The following BCAT1 variants were observed in gnomAD, a reference collection of about 807,000 sequenced individuals.
BCAT1 encodes branched chain amino acid transaminase 1, also known as branched-chain-amino-acid aminotransferase, cytosolic.
BCAT1 carries 48 observed loss-of-function variants against 52.4 expected under a neutral mutation model. The observed-to-expected ratio is 0.92, with a 90% CI of 0.73 to 1.16. BCAT1 has a LOEUF of 1.16. BCAT1 is among the 50% of genes most tolerant of loss of function. The pLI, the probability that BCAT1 is intolerant of heterozygous loss-of-function variation, is 0.00. For synonymous variants in BCAT1, 167 were observed against 161.3 expected, an observed-to-expected ratio of 1.04 and a Z score of -0.27; for missense variants, 451 against 457.1, an observed-to-expected ratio of 0.99 and a Z score of 0.12.
intron 5 of BCAT1, among the ~76,000 whole-genome samples, chr12:24,864,962 C>A (rs1941962431): frequency 6.6e-6 from 1 of 152,166 alleles, no homozygotes; most frequent in Non-Finnish European, 1.5e-5. Flanking sequence ...GTCCACTAAA[C>A]CTCTCTTGTT....
intron 9 of BCAT1, 128 bp from the exon 10 acceptor site, chr12:24,830,025 A>G (rs1940585237): frequency 5.1e-6 from 3 of 586,054 alleles, no homozygotes; most frequent in Non-Finnish European, 8.5e-6. Flanking sequence ...ACTAAAACCT[A>G]CTGACTCTGA....
rs148405422 is a variant in BCAT1 at position 24,938,435 on chromosome 12, C to T, written c.6+10492G>A. 1.9e-3 allele frequency among the ~76,000 whole-genome samples: 290 copies of T among 151,936 alleles called. 2 individuals carry two copies. Among genetic ancestry groups the T allele is most frequent in the African/African-American group, 6.6e-3 (275 of 41,402 alleles). On this transcript the variant is annotated intron_variant, in intron 1 of 10. Coordinates refer to ENST00000261192, the MANE Select transcript of BCAT1 (RefSeq NM_005504.7). ...TTGAGTGGGAGGGTCTACTGTGGGT[C>T]GAGTTAAGAGAGAAAATGCAGAGCA... is the stretch of plus-strand genomic sequence containing the variant.
At chr12:24,913,551 A>T (rs947240334) in intron 1 of BCAT1, among the ~76,000 whole-genome samples, 1 of 152,170 alleles carries the variant, frequency 6.6e-6, no homozygotes, top group Non-Finnish European at 1.5e-5. Context: ...GCCTTTTACA[A>T]CAAGAACTGG....
rs373097595 is a variant in BCAT1, at chr12:24,868,892, C to T, written c.510+9638G>A. Among the ~76,000 whole-genome samples the T allele has an allele frequency of 3.9e-5, 6 of 152,194 alleles. No homozygotes were observed. In the East Asian group the frequency reaches 7.7e-4, roughly 20 times the overall value. ...ACAGACTGGGAAACTATTTGCAGTA[C>T]GTTTATCCAACATAGGATTTGCCAT... On this transcript the variant is annotated intron_variant, in intron 5 of 10. Coordinates refer to ENST00000261192, the MANE Select transcript of BCAT1 (RefSeq NM_005504.7).
chr12:24,937,439 T>C (rs1948809641), intron 1 of BCAT1, among the ~76,000 whole-genome samples: 1 of 152,214 alleles, frequency 6.6e-6, no homozygotes, highest in Non-Finnish European at 1.5e-5. Context: ...ACTTTAGCTT[T>C]TATTCAAAAC....
At chr12:24,838,538 G>GC (rs1941073949) in intron 7 of BCAT1, among the ~76,000 whole-genome samples, 1 of 151,546 alleles carries the variant, frequency 6.6e-6, no homozygotes, top group African/African-American at 2.4e-5. Flanking sequence ...CACTTCCAGT[G>GC]CCCCCAAACC....
chr12:24,890,584 C>A (rs890711180), intron 3 of BCAT1, among the ~76,000 whole-genome samples: 1 of 152,144 alleles, frequency 6.6e-6, no homozygotes, highest in Non-Finnish European at 1.5e-5. Context: ...TGCTAACAGA[C>A]ACTCCTACCA....
intron 10 of BCAT1, among the ~76,000 whole-genome samples, chr12:24,824,264 TTCATTCCC>T (rs1467037069): frequency 6.9e-6 from 1 of 145,234 alleles, no homozygotes; most frequent in Non-Finnish European, 1.5e-5. Context: ...CCTTCCTTCC[TTCATTCCC>T]TCCCTCCCTC....
At chr12:24,881,216 C>G in intron 4 of BCAT1, 85 bp downstream of exon 4, 1 of 928,634 alleles carries the variant, frequency 1.1e-6, no homozygotes. Flanking sequence ...ATTTATCTAA[C>G]TATTCAGAAA....
Position 24,832,793 on chromosome 12 carries a change from A to T in BCAT1, c.974T>A (p.Val325Glu). ...TGTACCAGAGCCAAACATCTCTCTC[A>T]CTCTGTTCCCCTCCAGGGCTGTTGT... ...DLTTALEGNR[V>E]REMFGSGTAC... The change falls in exon 9 of 11, where the codon GTG becomes GAG. Residue 325 changes from valine (V) to glutamate (E), a missense_variant. Val to Glu is a moderately radical substitution (Grantham distance 121). Coordinates refer to ENST00000261192, the MANE Select transcript of BCAT1 (RefSeq NM_005504.7). The T allele has an allele frequency of 1.2e-6, 2 of 1,611,008 alleles. No individual in the cohort carries two copies. The highest frequency in any genetic ancestry group is 1.3e-5 in the African/African-American group (1 of 74,834).
intron 1 of BCAT1, among the ~76,000 whole-genome samples, chr12:24,940,116 T>C (rs1362306792): frequency 1.3e-5 from 2 of 152,252 alleles, no homozygotes; most frequent in Admixed American, 6.5e-5. Context: ...CTAATGACTA[T>C]GCAAATGACT....
intron 1 of BCAT1, among the ~76,000 whole-genome samples, chr12:24,905,736 A>G (rs973726837): frequency 2.0e-5 from 3 of 152,118 alleles, no homozygotes; most frequent in African/African-American, 4.8e-5. Context: ...TTTTCAATTT[A>G]GCTTAACCTA....
intron 1 of BCAT1, among the ~76,000 whole-genome samples, chr12:24,911,216 T>C (rs1943320354): frequency 6.6e-6 from 1 of 152,230 alleles, no homozygotes; most frequent in African/African-American, 2.4e-5. Flanking sequence ...AAATTTTTAT[T>C]TATGTTTGTT....
chr12:24,901,568 T>C (rs1470768600), intron 2 of BCAT1, among the ~76,000 whole-genome samples: 1 of 152,104 alleles, frequency 6.6e-6, no homozygotes, highest in Non-Finnish European at 1.5e-5. Context: ...ATTGACTATT[T>C]TTCAAGAAAA....
At position 24,818,125 on chromosome 12, in the gene BCAT1, C is replaced by A. The variant is rs1180990780; in HGVS notation, c.1120-76G>T. On this transcript the variant is annotated intron_variant, in intron 10 of 10. Coordinates refer to ENST00000261192, the MANE Select transcript of BCAT1 (RefSeq NM_005504.7). ...AAATAGCTTACAAACAAACTTAATACCGCCAAGGTTACACAAAAGGTTCGC... is the reference window on the plus strand; with the variant it reads ...AAATAGCTTACAAACAAACTTAATAACGCCAAGGTTACACAAAAGGTTCGC... 2.1e-6 allele frequency: 3 copies of A among 1,436,938 alleles called. No homozygotes were observed. The East Asian group carries it at 6.9e-5, about 33-fold the overall frequency. 89.0% of individuals were successfully genotyped at this position (1,436,938 alleles called of 1,614,324 possible).
chr12:24,864,761 T>A (rs1252620083), intron 5 of BCAT1, among the ~76,000 whole-genome samples: 1 of 152,180 alleles, frequency 6.6e-6, no homozygotes, highest in Admixed American at 6.5e-5. Context: ...ATATTCAGCA[T>A]CACAGCTACC....
At chr12:24,837,409 G>A (rs1941026150) in intron 7 of BCAT1, among the ~76,000 whole-genome samples, 1 of 150,314 alleles carries the variant, frequency 6.7e-6, no homozygotes, top group South Asian at 2.1e-4. Context: ...GCTGGTCACT[G>A]CTTCCACGCT....
At chr12:24,874,319 TA>T (rs1434481164) in intron 5 of BCAT1, among the ~76,000 whole-genome samples, 2 of 151,872 alleles carry the variant, frequency 1.3e-5, no homozygotes, top group African/African-American at 4.8e-5. Context: ...ATCTCAAAAA[TA>T]AAATAAAACA....
intron 2 of BCAT1, among the ~76,000 whole-genome samples, chr12:24,897,701 G>A (rs749087554): frequency 1.1e-4 from 16 of 152,168 alleles, no homozygotes; most frequent in Non-Finnish European, 2.2e-4. Context: ...CTACAGGCAT[G>A]TGCCACAACA....
Sources: allele counts gnomAD v4.1 joint callset (sites outside exome capture counted in the v4.1 genomes callset), GRCh38; gene constraint gnomAD v4.1.1; transcripts MANE v1.5; gene names NCBI Gene and HGNC (gene_info 2026-07-23, HGNC 2026-07-21).